Variants in NRDE2 observed in about 807,000 individuals in gnomAD.
NRDE2 encodes nuclear exosome regulator NRDE2.
Under a neutral mutation model 124.2 loss-of-function variants are expected in NRDE2, and 76 were observed. The observed-to-expected ratio is 0.61, with a 90% CI of 0.51 to 0.74. The LOEUF is 0.74. NRDE2 is among the 30% of genes least tolerant of loss of function. NRDE2 has a pLI of 0.00. For missense variants in NRDE2, 1,314 were observed against 1,417.3 expected (o/e 0.93, Z 1.17); for synonymous variants, 489 against 528.1 (o/e 0.93, Z 1.01).
chr14:90,278,870 T>C (rs1047988006), intron 13 of NRDE2, 192 bp downstream of exon 13: 12 of 643,710 alleles, frequency 1.9e-5, no homozygotes, highest in African/African-American at 1.8e-4. Context: ...CAGCCCCAGG[T>C]AGGGCCAGGC....
At chr14:90,331,355 C>T (rs1217007209) in intron 1 of NRDE2, among the ~76,000 whole-genome samples, 1 of 152,198 alleles carries the variant, frequency 6.6e-6, no homozygotes, top group Non-Finnish European at 1.5e-5. Flanking sequence ...TGCTGTGCCC[C>T]TCCAGAGAGA....
At chr14:90,302,602 G>A (rs56015111) in intron 6 of NRDE2, 118 bp downstream of exon 6, 211,458 of 1,147,962 alleles carry the variant, frequency 0.18, 20,916 homozygotes, top group South Asian at 0.22. Flanking sequence ...AAAAAAATCA[G>A]TTCTATCAAA....
chr14:90,304,176 G>A lies in NRDE2; in HGVS notation c.764C>T (p.Pro255Leu). The A allele has an allele frequency of 6.2e-7, 1 of 1,614,130 alleles. No homozygotes were observed. Among genetic ancestry groups the A allele is most frequent in the Non-Finnish European group, 8.5e-7 (1 of 1,180,014 alleles). Reference sequence around the variant, plus strand: ...AGCCGCATCTTCCAAGTCCTTCACTGGTATAAAGGAGATGGGCTCAGATGA... The same window carrying A: ...AGCCGCATCTTCCAAGTCCTTCACTAGTATAAAGGAGATGGGCTCAGATGA... Reference protein sequence around the residue: ...PPSSEPISFIPVKDLEDAAPV... With the variant: ...PPSSEPISFILVKDLEDAAPV... Residue 255 changes from proline (P) to leucine (L), a missense_variant, in exon 5 of 14, where the codon CCA becomes CTA. Coordinates refer to ENST00000354366, the MANE Select transcript of NRDE2 (RefSeq NM_017970.4).
chr14:90,310,027 C>A (rs534339604), intron 4 of NRDE2, among the ~76,000 whole-genome samples: 1 of 152,284 alleles, frequency 6.6e-6, no homozygotes, highest in South Asian at 2.1e-4. Context: ...AATACTAACC[C>A]TTTATATTTG....
intron 1 of NRDE2, among the ~76,000 whole-genome samples, chr14:90,318,559 G>A (rs913795816): frequency 9.2e-5 from 14 of 152,150 alleles, no homozygotes; most frequent in Non-Finnish European, 1.6e-4. Flanking sequence ...CAGCACTTTG[G>A]GAGGCTGAGG....
intron 1 of NRDE2, among the ~76,000 whole-genome samples, chr14:90,320,240 C>A (rs888386432): frequency 6.6e-6 from 1 of 152,170 alleles, no homozygotes; most frequent in South Asian, 2.1e-4. Flanking sequence ...TTAATTGACT[C>A]GTAGTTCCAC....
chr14:90,304,113 T>C lies in NRDE2; in HGVS notation c.827A>G (p.Asp276Gly), dbSNP rs767319459. Residue 276 changes from aspartate to glycine, a missense_variant, in exon 5 of 14, where the codon GAT becomes GGT. Asp to Gly is a moderately conservative substitution (Grantham distance 94). Coordinates refer to ENST00000354366, the MANE Select transcript of NRDE2 (RefSeq NM_017970.4). ...TTWLNPLGIYDQSTTHWLQGQ... is the reference protein window; with the variant it reads ...TTWLNPLGIYGQSTTHWLQGQ... ...TTGTAGCCAATGTGTGGTTGACTGATCATAAATCCCCAGAGGATTCAACCA... is the reference window on the plus strand; with the variant it reads ...TTGTAGCCAATGTGTGGTTGACTGACCATAAATCCCCAGAGGATTCAACCA... 6.8e-6 allele frequency: 11 copies of C among 1,614,052 alleles called. No individual in the cohort carries two copies. Among genetic ancestry groups the C allele is most frequent in the African/African-American group, 1.3e-5 (1 of 74,916 alleles).
intron 6 of NRDE2, among the ~76,000 whole-genome samples, 163 bp downstream of exon 6, chr14:90,302,557 A>G (rs1276660475): frequency 6.6e-6 from 1 of 152,226 alleles, no homozygotes; most frequent in African/African-American, 2.4e-5. Context: ...AGCTGGGGGC[A>G]AATTTGTTAT....
intron 1 of NRDE2, among the ~76,000 whole-genome samples, chr14:90,326,155 G>A (rs1268612013): frequency 1.3e-5 from 2 of 150,932 alleles, no homozygotes; most frequent in African/African-American, 4.9e-5. Context: ...AGAGTGTAGA[G>A]CGATCTCCAG....
chr14:90,270,221 T>C lies in NRDE2; in HGVS notation c.*8115A>G, dbSNP rs764620445. The C allele has an allele frequency of 1.1e-5, 17 of 1,613,378 alleles. No individual in the cohort carries two copies. The East Asian group carries it at 2.5e-4, about 23-fold the overall frequency. ...AGGCCGCATTGACAGGAAGATTGAG[T>C]TCCCCCTGCCTGATGAAAAGACGAA... On this transcript the variant is annotated 3_prime_UTR_variant, in exon 14 of 14. Coordinates refer to ENST00000354366, the MANE Select transcript of NRDE2 (RefSeq NM_017970.4).
intron 7 of NRDE2, among the ~76,000 whole-genome samples, chr14:90,298,910 G>A (rs774029462): frequency 3.3e-5 from 5 of 152,176 alleles, no homozygotes; most frequent in East Asian, 1.9e-4. Context: ...CATGAGCTAC[G>A]TGACACAACC....
rs912497884 is a variant in NRDE2, at chr14:90,273,216, A to G, written c.*5120T>C. 6.6e-6 allele frequency: 1 copy of G among 150,570 alleles called. No homozygotes were observed. Among genetic ancestry groups the G allele is most frequent in the Non-Finnish European group, 1.5e-5 (1 of 67,162 alleles). The allele number at this position is 150,570 out of a possible 1,614,324, so 9.3% of individuals were successfully genotyped here. A position where few individuals can be genotyped will look rare whatever the true frequency, so the allele number is the denominator to read the frequency against. On this transcript the variant is annotated 3_prime_UTR_variant, in exon 14 of 14. Transcript: ENST00000354366. ...GGCCCACACTGAATGAGGAGTGTGT[A>G]TTAGTTTTCTGTTAATACTATAACA... is the stretch of plus-strand genomic sequence containing the variant.
rs576962791 is a variant in NRDE2, at chr14:90,268,822, G to A, written c.*9514C>T. The A allele has an allele frequency of 1.1e-4, 19 of 168,686 alleles. No homozygotes were observed. In the South Asian group the frequency reaches 2.4e-3, roughly 21 times the overall value. 10.4% of individuals were successfully genotyped at this position (168,686 alleles called of 1,614,324 possible). On this transcript the variant is annotated 3_prime_UTR_variant, in exon 14 of 14. Transcript: ENST00000354366. ...GATCTGTAACTTGGCTGATGGGAGCGTCTTAGTCCATTTGTGCTGCTAAAC... is the reference window on the plus strand; with the variant it reads ...GATCTGTAACTTGGCTGATGGGAGCATCTTAGTCCATTTGTGCTGCTAAAC...
At chr14:90,293,770 T>A (rs1892337719) in intron 8 of NRDE2, among the ~76,000 whole-genome samples, 1 of 152,230 alleles carries the variant, frequency 6.6e-6, no homozygotes, top group African/African-American at 2.4e-5. Flanking sequence ...ATAATTTATT[T>A]CACTTTGTTT....
intron 1 of NRDE2, 80 bp downstream of exon 1, chr14:90,331,761 A>C: frequency 6.8e-7 from 1 of 1,477,386 alleles, no homozygotes; most frequent in Non-Finnish European, 9.5e-7. Flanking sequence ...CACAAATCCA[A>C]AGCAAAAGTC....
intron 1 of NRDE2, among the ~76,000 whole-genome samples, chr14:90,323,133 C>T (rs370241827): frequency 7.8e-4 from 119 of 152,176 alleles, no homozygotes; most frequent in African/African-American, 2.7e-3. Context: ...TTAGAACTAC[C>T]GCCTAACAAA....
At position 90,288,869 on chromosome 14, in the gene NRDE2, G is replaced by A. The variant is rs138749229; in HGVS notation, c.2506C>T (p.Pro836Ser). ...LYAELEVELSPEVRRAATARA... is the reference protein window; with the variant it reads ...LYAELEVELSSEVRRAATARA... Reference sequence around the variant, plus strand: ...GCTGTGGCAGCCCTTCTCACTTCTGGCGACAGCTCCACCTCCAGCTCAGCA... The same window carrying A: ...GCTGTGGCAGCCCTTCTCACTTCTGACGACAGCTCCACCTCCAGCTCAGCA... Residue 836 changes from proline to serine, a missense_variant, in exon 11 of 14, where the codon CCA (proline) becomes TCA (serine). Transcript: ENST00000354366. 1 of 1,614,146 alleles carries A rather than the reference G, an allele frequency of 6.2e-7. No individual in the cohort carries two copies. The highest frequency in any genetic ancestry group is 1.1e-5 in the South Asian group (1 of 91,082).
At chr14:90,298,768 T>C (rs1843023643) in intron 7 of NRDE2, among the ~76,000 whole-genome samples, 1 of 152,170 alleles carries the variant, frequency 6.6e-6, no homozygotes, top group Non-Finnish European at 1.5e-5. Flanking sequence ...TCCTAGTTCT[T>C]ATCCTGCCAG....
At chr14:90,315,088 A>G (rs1250411313) in intron 3 of NRDE2, among the ~76,000 whole-genome samples, 1 of 145,482 alleles carries the variant, frequency 6.9e-6, no homozygotes, top group East Asian at 2.2e-4. Context: ...GAGGCAGGAG[A>G]CTTGCTTGAG....
Sources: gnomAD v4.1 joint callset for allele counts (sites outside exome capture counted in the v4.1 genomes callset) on GRCh38, gnomAD v4.1.1 for gene constraint, MANE v1.5 for transcripts, NCBI Gene and HGNC (gene_info 2026-07-23, HGNC 2026-07-21) for gene names.